Variants in FBXO31 observed in about 807,000 individuals in gnomAD.
The protein encoded by FBXO31 is F-box protein 31, also known as F-box only protein 31.
In FBXO31, 24 loss-of-function variants were observed where a neutral mutation model predicts 54.4. The ratio of observed to expected loss-of-function variants is 0.44; its 90% CI spans 0.32 to 0.62. The LOEUF is 0.62. Among genes scored for constraint, FBXO31 ranks in the 20% least tolerant of loss-of-function variants. The probability of loss-of-function intolerance (pLI) is 0.05; values close to 1 mark genes in which losing one functional copy is unlikely to be tolerated. For missense variants in FBXO31, 665 were observed against 787.1 expected, an observed-to-expected ratio of 0.84 and a Z score of 1.86; for synonymous variants, 388 against 335.6, an observed-to-expected ratio of 1.16 and a Z score of -1.71.
chr16:87,339,508 AGAG>A (rs1465289066), intron 5 of FBXO31, among the ~76,000 whole-genome samples: 2 of 152,224 alleles, frequency 1.3e-5, no homozygotes, highest in African/African-American at 2.4e-5. Context: ...CCCCTGCAGA[AGAG>A]GAGAGGCTGC....
Position 87,340,219 on chromosome 16 carries a change from G to A in FBXO31, c.732+2658C>T, listed in dbSNP as rs558792947. 2.0e-3 allele frequency among the ~76,000 whole-genome samples: 307 copies of A among 152,346 alleles called. 2 individuals are homozygous for A. Among genetic ancestry groups the A allele is most frequent in the African/African-American group, 6.9e-3 (285 of 41,566 alleles). ...GGAGAATCACCTGAACCCAGGAGGC[G>A]GAGGTTGCAGTGAGCCAAGATCATA... On this transcript the variant is annotated intron_variant, in intron 5 of 8. Transcript: ENST00000311635.
chr16:87,334,257 C>A lies in FBXO31; in HGVS notation c.1026G>T (p.Gln342His). 6.3e-7 allele frequency: 1 copy of A among 1,599,166 alleles called. No homozygotes were observed. Among genetic ancestry groups the A allele is most frequent in the Non-Finnish European group, 8.5e-7 (1 of 1,171,614 alleles). The change falls in exon 8 of 9, where the codon CAG becomes CAT. Residue 342 changes from glutamine to histidine, a missense_variant. Physicochemically the swap from Gln to His is conservative, Grantham distance 24. Around this residue, in one of 4 missense-constraint regions of FBXO31, gnomAD observed 234 missense variants for 346.8 expected, o/e 0.67. Coordinates refer to ENST00000311635, the MANE Select transcript of FBXO31 (RefSeq NM_024735.5). ...TGDPNIPAGQ[Q>H]TVEIDLRHRI... ...GATGCCTCAGGTCGATCTCCACTGT[C>A]TGCTGCCCAGCGGGGATGTTGGGGT...
At chr16:87,355,990 G>T (rs1484216936) in intron 2 of FBXO31, among the ~76,000 whole-genome samples, 1 of 152,120 alleles carries the variant, frequency 6.6e-6, no homozygotes, top group Non-Finnish European at 1.5e-5. Flanking sequence ...CCCTTGTATT[G>T]AAAAGCCCTT....
At position 87,345,519 on chromosome 16, in the gene FBXO31, A is replaced by G. The variant is rs1049995309; in HGVS notation, c.489+1655T>C. On this transcript the variant is annotated intron_variant, in intron 3 of 8. Transcript: ENST00000311635. This position sits in a 1 kb window ranked among gnomAD's most constrained non-coding sequence, Gnocchi z 4.9. ...GTTGAATGAGCAGCTACTTTTCAAC[A>G]TAAATTGGCAGGTGACCGAGAAACA... Among the ~76,000 whole-genome samples the G allele has an allele frequency of 2.0e-5, 3 of 152,234 alleles. No individual in the cohort carries two copies. The highest frequency in any genetic ancestry group is 7.2e-5 in the African/African-American group (3 of 41,470).
chr16:87,376,486 G>T (rs1369666067), intron 1 of FBXO31, among the ~76,000 whole-genome samples: 1 of 152,066 alleles, frequency 6.6e-6, no homozygotes, highest in Non-Finnish European at 1.5e-5. Context: ...GGTTGGCCAG[G>T]CTGGTCTCGA....
At position 87,338,346 on chromosome 16, in the gene FBXO31, G is replaced by A. The variant is rs916986814; in HGVS notation, c.733-2082C>T. On this transcript the variant is annotated intron_variant, in intron 5 of 8. Coordinates refer to ENST00000311635, the MANE Select transcript of FBXO31 (RefSeq NM_024735.5). The surrounding 1 kb of genome is among the most constrained non-coding windows in gnomAD (Gnocchi z 4.3). ...TACTCGCGACCCTCGTGGCAGCGCC[G>A]GCAGAGGGGGCTGAGGGTGACAAGG... Among the ~76,000 whole-genome samples the A allele has an allele frequency of 2.0e-5, 3 of 152,152 alleles. No individual in the cohort carries two copies. The highest frequency in any genetic ancestry group is 2.1e-4 in the South Asian group (1 of 4,834).
intron 1 of FBXO31, among the ~76,000 whole-genome samples, chr16:87,371,137 G>C (rs544533335): frequency 1.3e-5 from 2 of 152,300 alleles, no homozygotes; most frequent in South Asian, 4.1e-4. Flanking sequence ...AACAAAGCCT[G>C]GGCGCAGCCC....
intron 8 of FBXO31, among the ~76,000 whole-genome samples, chr16:87,332,409 G>A (rs1904890320): frequency 6.6e-6 from 1 of 152,258 alleles, no homozygotes. Context: ...GTCAGTGGCT[G>A]CAGCACGTGC....
At chr16:87,387,798 G>C (rs1907376467), upstream of FBXO31, among the ~76,000 whole-genome samples, 1 of 152,114 alleles carries the variant, frequency 6.6e-6, no homozygotes, top group Non-Finnish European at 1.5e-5. Context: ...ATTCCAGCCT[G>C]GGCGACAGAG....
chr16:87,345,407 T>C lies in FBXO31; in HGVS notation c.490-1642A>G, dbSNP rs1177810309. ...AGCCATGCAGACTCCATGCAGACAC[T>C]GGCACCACGCAGAGCCCGCAGAGCA... is the stretch of plus-strand genomic sequence containing the variant. On this transcript the variant is annotated intron_variant, in intron 3 of 8. Transcript: ENST00000311635. The surrounding 1 kb of genome is among the most constrained non-coding windows in gnomAD (Gnocchi z 4.9). 6.6e-6 allele frequency among the ~76,000 whole-genome samples: 1 copy of C among 151,970 alleles called. No individual in the cohort carries two copies. The highest frequency in any genetic ancestry group is 1.5e-5 in the Non-Finnish European group (1 of 67,996).
chr16:87,351,605 A>G (rs1054052392), intron 2 of FBXO31, among the ~76,000 whole-genome samples: 1 of 152,148 alleles, frequency 6.6e-6, no homozygotes, highest in African/African-American at 2.4e-5. Context: ...TGGCTCACTC[A>G]AGCCTATAAT....
At position 87,336,279 on chromosome 16, in the gene FBXO31, C is replaced by T. The variant is rs772239325; in HGVS notation, c.733-15G>A. 2 of 1,611,988 alleles carry T rather than the reference C, an allele frequency of 1.2e-6. No individual in the cohort carries two copies. Among genetic ancestry groups the T allele is most frequent in the Non-Finnish European group, 1.7e-6 (2 of 1,178,426 alleles). The stretch of plus-strand genomic sequence containing the variant: ...GTCCGAAACTCCTTCCAAAAGAACA[C>T]AGGTCATGAATATCCATATGACAGG... On this transcript the variant is annotated splice_polypyrimidine_tract_variant and intron_variant, in intron 5 of 8. Coordinates refer to ENST00000311635, the MANE Select transcript of FBXO31 (RefSeq NM_024735.5). The surrounding 1 kb of genome is among the most constrained non-coding windows in gnomAD (Gnocchi z 6.5).
At chr16:87,385,325 G>A (rs1281033258), upstream of FBXO31, among the ~76,000 whole-genome samples, 1 of 152,164 alleles carries the variant, frequency 6.6e-6, no homozygotes, top group African/African-American at 2.4e-5. Context: ...AGGTGTGGTG[G>A]CAGGTGCCTG....
Position 87,335,027 on chromosome 16 carries a change from C to A in FBXO31, c.996+277G>T, listed in dbSNP as rs1441751551. Among the ~76,000 whole-genome samples the A allele has an allele frequency of 6.6e-6, 1 of 152,220 alleles. No individual in the cohort carries two copies. The highest frequency in any genetic ancestry group is 1.5e-5 in the Non-Finnish European group (1 of 68,028). ...TGCTGTCCAGACTTCCTAAACCCCA[C>A]AGGGCTGCCAGGGTGGCCGGGGCTG... On this transcript the variant is annotated intron_variant, in intron 7 of 8. Coordinates refer to ENST00000311635, the MANE Select transcript of FBXO31 (RefSeq NM_024735.5). The surrounding 1 kb of genome is among the most constrained non-coding windows in gnomAD (Gnocchi z 5.7).
rs1047438883 is a variant in FBXO31, at chr16:87,335,675, G to A, written c.843-218C>T. Among the ~76,000 whole-genome samples the A allele has an allele frequency of 6.6e-6, 1 of 152,186 alleles. No homozygotes were observed. Among genetic ancestry groups the A allele is most frequent in the African/African-American group, 2.4e-5 (1 of 41,436 alleles). ...GCACGCTTCCAACAGGACTTCTGGG[G>A]TTAAGGGGGGCATCAGCGCCAGGGC... On this transcript the variant is annotated intron_variant, in intron 6 of 8. Transcript: ENST00000311635. This position sits in a 1 kb window ranked among gnomAD's most constrained non-coding sequence, Gnocchi z 5.7.
chr16:87,337,511 C>A (rs1905072440), intron 5 of FBXO31, among the ~76,000 whole-genome samples: 1 of 152,202 alleles, frequency 6.6e-6, no homozygotes, highest in Admixed American at 6.5e-5. Flanking sequence ...ACGGGAGGAC[C>A]AGGCTGCTCT....
intron 3 of FBXO31, among the ~76,000 whole-genome samples, chr16:87,344,367 G>A (rs542563992): frequency 3.3e-5 from 5 of 152,258 alleles, no homozygotes; most frequent in Non-Finnish European, 1.5e-5. Flanking sequence ...TGCGTTGCCC[G>A]TGCGATCTCG....
chr16:87,348,039 G>A (rs1479889497), intron 2 of FBXO31, among the ~76,000 whole-genome samples: 3 of 152,154 alleles, frequency 2.0e-5, no homozygotes, highest in African/African-American at 7.2e-5. Context: ...GCAGCTCCAG[G>A]TCACCCTCGA....
chr16:87,382,911 C>G (rs1200511851), intron 1 of FBXO31, among the ~76,000 whole-genome samples: 1 of 152,206 alleles, frequency 6.6e-6, no homozygotes, highest in Non-Finnish European at 1.5e-5. Flanking sequence ...GCTGAGATTA[C>G]AGGCGTGAAA....
Sources: allele counts gnomAD v4.1 joint callset (sites outside exome capture counted in the v4.1 genomes callset), GRCh38; gene constraint gnomAD v4.1.1; regional missense constraint gnomAD v4.1.1; non-coding constraint Gnocchi (gnomAD v3.1); transcripts MANE v1.5; gene names NCBI Gene and HGNC (gene_info 2026-07-23, HGNC 2026-07-21).